The following PTPN14 variants were observed in gnomAD, a reference collection of about 807,000 sequenced individuals.
PTPN14 encodes tyrosine-protein phosphatase non-receptor type 14.
Under a neutral mutation model 126.8 loss-of-function variants are expected in PTPN14, and 53 were observed. That is an observed-to-expected ratio of 0.42 (90% CI 0.34 to 0.53). The LOEUF (loss-of-function observed/expected upper bound fraction) is 0.53. Among genes scored for constraint, PTPN14 ranks in the 20% least tolerant of loss-of-function variants. The pLI, the probability that PTPN14 is intolerant of heterozygous loss-of-function variation, is 0.08. For synonymous variants in PTPN14, 630 were observed against 599.3 expected, an observed-to-expected ratio of 1.05 and a Z score of -0.75; for missense variants, 1,257 against 1,552.9, an observed-to-expected ratio of 0.81 and a Z score of 3.20.
intron 3 of PTPN14, among the ~76,000 whole-genome samples, chr1:214,423,063 TGAG>T (rs1284897355): frequency 2.7e-5 from 4 of 150,540 alleles, no homozygotes. Flanking sequence ...GGGGCTGAGG[TGAG>T]GAGATCGCTT....
chr1:214,444,760 C>T (rs1660107055), intron 3 of PTPN14, among the ~76,000 whole-genome samples: 1 of 152,164 alleles, frequency 6.6e-6, no homozygotes, highest in Non-Finnish European at 1.5e-5. Context: ...CATGCACACA[C>T]CAAAACACCA....
At chr1:214,454,925 T>C (rs1361722056) in intron 2 of PTPN14, among the ~76,000 whole-genome samples, 1 of 152,118 alleles carries the variant, frequency 6.6e-6, no homozygotes, top group Non-Finnish European at 1.5e-5. Context: ...TTTAGAACTG[T>C]CAAATTCAGT....
At chr1:214,508,376 T>C (rs1253319339) in intron 1 of PTPN14, among the ~76,000 whole-genome samples, 2 of 152,184 alleles carry the variant, frequency 1.3e-5, no homozygotes, top group Non-Finnish European at 2.9e-5. Flanking sequence ...TCACCAGGAG[T>C]AGATTCCATC....
rs549089543 is a variant in PTPN14 at position 214,506,332 on chromosome 1, C to T, written c.-154-41375G>A. On this transcript the variant is annotated intron_variant, in intron 1 of 18. Transcript: ENST00000366956. The stretch of plus-strand genomic sequence containing the variant: ...CCAGATTGGGCAACACAGGAGGCCC[C>T]GTCTCTTAAATTTTTTTTTTTAAAA... Among the ~76,000 whole-genome samples, 9 of 151,862 alleles carry T rather than the reference C, an allele frequency of 5.9e-5. No homozygotes were observed. In the South Asian group the frequency reaches 1.9e-3, roughly 32 times the overall value.
chr1:214,411,229 C>T (rs547068352), intron 5 of PTPN14, among the ~76,000 whole-genome samples: 1 of 152,074 alleles, frequency 6.6e-6, no homozygotes, highest in Non-Finnish European at 1.5e-5. Context: ...TGCCAACTCT[C>T]ACTACTTCTA....
At chr1:214,379,326 C>T (rs747817514) in intron 13 of PTPN14, among the ~76,000 whole-genome samples, 1 of 152,128 alleles carries the variant, frequency 6.6e-6, no homozygotes, top group East Asian at 1.9e-4. Flanking sequence ...GAGGTCTTGA[C>T]GGAGCCATCC....
intron 3 of PTPN14, among the ~76,000 whole-genome samples, chr1:214,415,470 C>T (rs559333759): frequency 6.6e-6 from 1 of 152,328 alleles, no homozygotes; most frequent in African/African-American, 2.4e-5. Context: ...TTTGCCCATA[C>T]TCTCAACACA....
rs1332009481 is a variant in PTPN14, at chr1:214,377,106, T to C, written c.2689-669A>G. Among the ~76,000 whole-genome samples the C allele has an allele frequency of 3.9e-5, 6 of 152,360 alleles. No individual in the cohort carries two copies. The South Asian group carries it at 8.3e-4, about 21-fold the overall frequency. ...TGCTTTCTGCTTTTCAAAACCCATG[T>C]TGTCACAATGCATTATCCAGACAAT... On this transcript the variant is annotated intron_variant, in intron 14 of 18. Transcript: ENST00000366956.
intron 1 of PTPN14, among the ~76,000 whole-genome samples, chr1:214,535,887 C>G (rs1655692145): frequency 6.6e-6 from 1 of 152,044 alleles, no homozygotes. Flanking sequence ...AGCTGTGTTA[C>G]CACTGAATTT....
chr1:214,410,704 T>C (rs953198870), intron 5 of PTPN14, among the ~76,000 whole-genome samples: 2 of 152,230 alleles, frequency 1.3e-5, no homozygotes, highest in South Asian at 2.1e-4. Context: ...AATTGCTGAA[T>C]ATACTGCCCT....
chr1:214,437,560 T>C lies in PTPN14; in HGVS notation c.344+14245A>G, dbSNP rs148910255. Among the ~76,000 whole-genome samples the C allele has an allele frequency of 4.2e-3, 639 of 152,262 alleles. 2 individuals are homozygous for C. The highest frequency in any genetic ancestry group is 0.015 in the African/African-American group (621 of 41,540). ...CATAATCTATTGTGCATTACAGAAG[T>C]TGAACTACCTAGAAGGCTAAAATAT... On this transcript the variant is annotated intron_variant, in intron 3 of 18. Transcript: ENST00000366956.
Position 214,383,911 on chromosome 1 carries a change from G to A in PTPN14, c.1944C>T (p.Ser648=). The A allele has an allele frequency of 6.2e-7, 1 of 1,613,394 alleles. No homozygotes were observed. The change falls in exon 13 of 19, where the codon AGC becomes AGT. Residue 648 remains serine, a synonymous_variant. Coordinates refer to ENST00000366956, the MANE Select transcript of PTPN14 (RefSeq NM_005401.5). This position sits in a 1 kb window ranked among gnomAD's most constrained non-coding sequence, Gnocchi z 4.4. ...NKRHSLEVMN[S]MVRGMEAMTL... ...TCATGGCCTCCATGCCCCGCACCAT[G>A]CTGTTCATCACCTCCAGGCTGTGGC...
chr1:214,404,725 T>C (rs1415498334), intron 5 of PTPN14, among the ~76,000 whole-genome samples: 1 of 152,180 alleles, frequency 6.6e-6, no homozygotes. Context: ...AATGGCAGAA[T>C]GCATGCCTGT....
chr1:214,465,937 T>C (rs1033740539), intron 1 of PTPN14, among the ~76,000 whole-genome samples: 35 of 144,544 alleles, frequency 2.4e-4, no homozygotes, highest in African/African-American at 8.2e-4. Context: ...GCATTTAATA[T>C]AATCAGTTAC....
At chr1:214,436,923 C>T (rs1179897226) in intron 3 of PTPN14, among the ~76,000 whole-genome samples, 5 of 150,980 alleles carry the variant, frequency 3.3e-5, no homozygotes, top group African/African-American at 1.2e-4. Context: ...ATGCAACACA[C>T]AAAATCTCTC....
chr1:214,385,948 A>T (rs1358941151), intron 12 of PTPN14, among the ~76,000 whole-genome samples: 1 of 152,214 alleles, frequency 6.6e-6, no homozygotes, highest in Non-Finnish European at 1.5e-5. Context: ...CTTGGTTTTC[A>T]TGCTCACACT....
Position 214,489,128 on chromosome 1 carries a change from C to A in PTPN14, c.-154-24171G>T, listed in dbSNP as rs115484500. Among the ~76,000 whole-genome samples the A allele has an allele frequency of 2.6e-3, 400 of 152,238 alleles. 1 individual carries two copies. Among genetic ancestry groups the A allele is most frequent in the African/African-American group, 9.1e-3 (377 of 41,544 alleles). ...GACAATAATGATGGTGATTAGTAAC[C>A]GCAGCTTCAAAGGACTGAGCATTTA... On this transcript the variant is annotated intron_variant, in intron 1 of 18. Coordinates refer to ENST00000366956, the MANE Select transcript of PTPN14 (RefSeq NM_005401.5).
chr1:214,502,829 A>G (rs1654741443), intron 1 of PTPN14, among the ~76,000 whole-genome samples: 1 of 152,252 alleles, frequency 6.6e-6, no homozygotes, highest in Non-Finnish European at 1.5e-5. Context: ...GAAAACATAA[A>G]TGAAACTGTG....
intron 15 of PTPN14, among the ~76,000 whole-genome samples, 176 bp downstream of exon 15, chr1:214,376,043 G>C (rs188257725): frequency 1.3e-5 from 2 of 152,274 alleles, no homozygotes; most frequent in East Asian, 3.9e-4. Context: ...TCTCTCTGCA[G>C]TGATAGACAT....
Sources: gnomAD v4.1 joint callset for allele counts (sites outside exome capture counted in the v4.1 genomes callset) on GRCh38, gnomAD v4.1.1 for gene constraint, Gnocchi (gnomAD v3.1) non-coding constraint, MANE v1.5 for transcripts, NCBI Gene and HGNC (gene_info 2026-07-23, HGNC 2026-07-21) for gene names.